SPSB1: variants seen among roughly 807,000 people sequenced by gnomAD.
SPSB1 encodes SPRY domain-containing SOCS box protein 1.
SPSB1 carries 8 observed loss-of-function variants against 21.2 expected under a neutral mutation model. That is an observed-to-expected ratio of 0.38 (90% confidence interval 0.22 to 0.68). SPSB1 has a LOEUF of 0.68. SPSB1 is among the 30% of genes least tolerant of loss of function. The pLI is 0.53. For synonymous variants in SPSB1, 169 were observed against 161.7 expected, an observed-to-expected ratio of 1.05 and a Z score of -0.34; for missense variants, 242 against 377.8, an observed-to-expected ratio of 0.64 and a Z score of 2.98.
At chr1:9,314,057 T>C (rs536687560) in intron 1 of SPSB1, among the ~76,000 whole-genome samples, 2 of 151,968 alleles carry the variant, frequency 1.3e-5, no homozygotes, top group East Asian at 3.9e-4. Flanking sequence ...GCACTTGTTA[T>C]CCCAGCTACC....
intron 1 of SPSB1, among the ~76,000 whole-genome samples, chr1:9,332,636 T>C (rs1427754899): frequency 6.6e-6 from 1 of 152,000 alleles, no homozygotes; most frequent in Non-Finnish European, 1.5e-5. Context: ...AACATCTGTG[T>C]GTAAGGAGCA....
intron 2 of SPSB1, among the ~76,000 whole-genome samples, chr1:9,362,026 G>A (rs1179630784): frequency 1.3e-5 from 2 of 152,248 alleles, no homozygotes; most frequent in Admixed American, 6.5e-5. Flanking sequence ...TGGGTTTGGT[G>A]TGGTTTGTCG....
chr1:9,304,815 G>A (rs979420137), intron 1 of SPSB1, among the ~76,000 whole-genome samples: 5 of 151,972 alleles, frequency 3.3e-5, no homozygotes, highest in Non-Finnish European at 7.4e-5. Flanking sequence ...TGGGACTATC[G>A]GTGCACACCA....
Position 9,314,509 on chromosome 1 carries a change from A to G in SPSB1, c.-150+21438A>G, listed in dbSNP as rs1208701379. Among the ~76,000 whole-genome samples the G allele has an allele frequency of 6.6e-5, 10 of 152,318 alleles. No homozygotes were observed. In the East Asian group the frequency reaches 9.6e-4, roughly 15 times the overall value. On this transcript the variant is annotated intron_variant, in intron 1 of 2. Transcript: ENST00000328089. ...GATCTACACAACAAGGCCGTTCATC[A>G]CCAAATGGAGAGAGAGGCAGGTTAG...
At chr1:9,347,066 C>T (rs905766446) in intron 1 of SPSB1, among the ~76,000 whole-genome samples, 8 of 152,168 alleles carry the variant, frequency 5.3e-5, no homozygotes, top group African/African-American at 1.2e-4. Flanking sequence ...ACCTGTTATC[C>T]GAGCACTTTG....
At chr1:9,323,411 C>T (rs566160943) in intron 1 of SPSB1, among the ~76,000 whole-genome samples, 12 of 152,292 alleles carry the variant, frequency 7.9e-5, no homozygotes, top group South Asian at 2.1e-4. Flanking sequence ...GCCTCCCTCG[C>T]GGCCCGTTGG....
rs1391393083 is a variant in SPSB1, at chr1:9,367,416, T to C, written c.695-32T>C. 1.2e-6 allele frequency: 2 copies of C among 1,612,810 alleles called. No individual in the cohort carries two copies. The highest frequency in any genetic ancestry group is 4.5e-5 in the East Asian group (2 of 44,878). On this transcript the variant is annotated intron_variant, in intron 2 of 2. Coordinates refer to ENST00000328089, the MANE Select transcript of SPSB1 (RefSeq NM_025106.4). This position sits in a 1 kb window ranked among gnomAD's most constrained non-coding sequence, Gnocchi z 5.9. ...CTGTTTGCTGAACACCCACCCAAGC[T>C]GCGCTGACCTGCAGTTTCTCTGTCT...
rs1239736272 is a variant in SPSB1, at chr1:9,309,331, TGTGA to T, written c.-150+16265_-150+16268del. On this transcript the variant is annotated intron_variant, in intron 1 of 2. Transcript: ENST00000328089. ...GTGTGTGTGTGTGTGTGTGTGTGTGTGTGAGTGACAGATTCTCTCTCTGTCACCC... is the reference window on the plus strand; with the variant it reads ...GTGTGTGTGTGTGTGTGTGTGTGTGTGTGACAGATTCTCTCTCTGTCACCC... 1.5e-3 allele frequency among the ~76,000 whole-genome samples: 184 copies of T among 125,446 alleles called. 1 individual carries two copies. The highest frequency in any genetic ancestry group is 5.3e-3 in the African/African-American group (175 of 32,844). 82.3% of individuals were successfully genotyped at this position (125,446 alleles called of 152,430 possible).
intron 2 of SPSB1, among the ~76,000 whole-genome samples, chr1:9,361,159 T>TTTTTTTTTTTTTTTTTC (rs1640468942): frequency 3.0e-5 from 1 of 33,230 alleles, no homozygotes; most frequent in Non-Finnish European, 6.7e-5. Flanking sequence ...TCATTTTCTT[T>TTTTTTTTTTTTTTTTTC]TTTTTTTTTT....
chr1:9,309,448 G>T (rs1162379905), intron 1 of SPSB1, among the ~76,000 whole-genome samples: 1 of 152,048 alleles, frequency 6.6e-6, no homozygotes, highest in African/African-American at 2.4e-5. Flanking sequence ...ATCCTGAGTA[G>T]CGGGAATTAT....
At chr1:9,300,548 T>C (rs553451001) in intron 1 of SPSB1, among the ~76,000 whole-genome samples, 1 of 152,342 alleles carries the variant, frequency 6.6e-6, no homozygotes, top group South Asian at 2.1e-4. Flanking sequence ...AATAACTTCA[T>C]TCCTTTTGAG....
In SPSB1 at chr1:9,345,236, G is replaced by T. The variant is rs991470282; in HGVS notation, c.-149-10507G>T. Among the ~76,000 whole-genome samples, 57 of 152,212 alleles carry T rather than the reference G, an allele frequency of 3.7e-4. 1 individual carries two copies. The highest frequency in any genetic ancestry group is 1.3e-3 in the African/African-American group (55 of 41,460). On this transcript the variant is annotated intron_variant, in intron 1 of 2. Transcript: ENST00000328089. This position sits in a 1 kb window ranked among gnomAD's most constrained non-coding sequence, Gnocchi z 4.8. The stretch of plus-strand genomic sequence containing the variant: ...CCTGCCTTCTGGGGAGCTGCTGGGG[G>T]TTGGAGGGCAAAGAGCACCAGCGTC...
chr1:9,361,173 T>TTTTTC (rs1640470951), intron 2 of SPSB1, among the ~76,000 whole-genome samples: 3 of 143,950 alleles, frequency 2.1e-5, no homozygotes, highest in Non-Finnish European at 4.6e-5. Flanking sequence ...TTTTTTTTTT[T>TTTTTC]TTTTTTTTTT....
rs1455948873 is a variant in SPSB1 at position 9,324,946 on chromosome 1, C to T, written c.-149-30797C>T. Among the ~76,000 whole-genome samples the T allele has an allele frequency of 4.6e-5, 7 of 152,194 alleles. No homozygotes were observed. The East Asian group carries it at 7.7e-4, about 17-fold the overall frequency. On this transcript the variant is annotated intron_variant, in intron 1 of 2. Coordinates refer to ENST00000328089, the MANE Select transcript of SPSB1 (RefSeq NM_025106.4). This position sits in a 1 kb window ranked among gnomAD's most constrained non-coding sequence, Gnocchi z 4.3. ...GGGGGAGCAGGGACACCCGGCCTGG[C>T]GGGCTGGTGGATCGGAGGCGCCTGT... is the stretch of plus-strand genomic sequence containing the variant.
chr1:9,311,832 G>C (rs915171221), intron 1 of SPSB1, among the ~76,000 whole-genome samples: 12 of 152,200 alleles, frequency 7.9e-5, no homozygotes, highest in Admixed American at 5.9e-4. Context: ...ATCCCTGGGG[G>C]GTATGAATTT....
chr1:9,318,348 A>G (rs907432730), intron 1 of SPSB1, among the ~76,000 whole-genome samples: 3 of 152,198 alleles, frequency 2.0e-5, no homozygotes, highest in Non-Finnish European at 2.9e-5. Context: ...CTTGGCTGAC[A>G]GTGTAGGACC....
At chr1:9,361,593 G>A (rs907298019) in intron 2 of SPSB1, among the ~76,000 whole-genome samples, 7 of 152,246 alleles carry the variant, frequency 4.6e-5, no homozygotes, top group African/African-American at 7.2e-5. Flanking sequence ...GTGGCCGGGC[G>A]GAAGTAGGGG....
At position 9,295,241 on chromosome 1, in the gene SPSB1, TGC is replaced by T. The variant is rs1248659545; in HGVS notation, c.-150+2176_-150+2177del. 7.5e-3 allele frequency among the ~76,000 whole-genome samples: 998 copies of T among 132,202 alleles called. 13 individuals are homozygous for T. The highest frequency in any genetic ancestry group is 0.025 in the African/African-American group (916 of 36,512). 86.7% of individuals were successfully genotyped at this position (132,202 alleles called of 152,430 possible). A position where few individuals can be genotyped will look rare whatever the true frequency, so the allele number is the denominator to read the frequency against. ...GAGTGTGTGTGTGTGTGTGTGTGTGTGCGCGCGTGCGGTTGGGGAGGTGTGGA... is the reference window on the plus strand; with the variant it reads ...GAGTGTGTGTGTGTGTGTGTGTGTGTGCGCGTGCGGTTGGGGAGGTGTGGA... On this transcript the variant is annotated intron_variant, in intron 1 of 2. Coordinates refer to ENST00000328089, the MANE Select transcript of SPSB1 (RefSeq NM_025106.4).
In SPSB1 at chr1:9,293,237, T is replaced by G. The variant is rs1459153406; in HGVS notation, c.-150+166T>G. Among the ~76,000 whole-genome samples the G allele has an allele frequency of 1.4e-5, 2 of 148,028 alleles. No homozygotes were observed. Among genetic ancestry groups the G allele is most frequent in the Non-Finnish European group, 3.0e-5 (2 of 66,594 alleles). ...AGCGGGTGGAGTACGGGATGGGGAC[T>G]CGGGGCGCGGCCCCTCCCGCGGTGG... On this transcript the variant is annotated intron_variant, in intron 1 of 2. Coordinates refer to ENST00000328089, the MANE Select transcript of SPSB1 (RefSeq NM_025106.4). This position sits in a 1 kb window ranked among gnomAD's most constrained non-coding sequence, Gnocchi z 5.1.
Sources: allele counts gnomAD v4.1 joint callset (sites outside exome capture counted in the v4.1 genomes callset), GRCh38; gene constraint gnomAD v4.1.1; non-coding constraint Gnocchi (gnomAD v3.1); transcripts MANE v1.5; gene names NCBI Gene and HGNC (gene_info 2026-07-23, HGNC 2026-07-21).